The following SHISA9 variants were observed in gnomAD, a reference collection of about 807,000 sequenced individuals.
SHISA9 encodes shisa family member 9, also known as protein shisa-9.
SHISA9 carries 13 observed loss-of-function variants against 38.0 expected under a neutral mutation model. The observed-to-expected ratio is 0.34, with a 90% confidence interval of 0.22 to 0.54. SHISA9 has a LOEUF of 0.54. SHISA9 is among the 20% of genes least tolerant of loss of function. The pLI is 0.91. For missense variants in SHISA9, 538 were observed against 575.8 expected, an observed-to-expected ratio of 0.93 and a Z score of 0.67; for synonymous variants, 275 against 242.0, an observed-to-expected ratio of 1.14 and a Z score of -1.27.
the SHISA9 span, among the ~76,000 whole-genome samples, chr16:13,486,963 C>G: frequency 2.6e-5 from 4 of 152,320 alleles, no homozygotes; most frequent in Non-Finnish European, 4.4e-5. Context: ...CTTGGCCTCC[C>G]AAAGTGCTGG....
Position 13,203,407 on chromosome 16 carries a change from GAAC to G in SHISA9, c.709_711del (p.Asn237del). 6.5e-7 allele frequency: 1 copy of G among 1,535,394 alleles called. No individual in the cohort carries two copies. Among genetic ancestry groups the G allele is most frequent in the South Asian group, 1.2e-5 (1 of 81,046 alleles). ...CTTCACTTCCAGATGCCACCCAGATGAACAACGCAGTGCCCACCTCTCCTCTGC... is the reference window on the plus strand; with the variant it reads ...CTTCACTTCCAGATGCCACCCAGATGAACGCAGTGCCCACCTCTCCTCTGC... On this transcript the variant is annotated inframe_deletion, in exon 3 of 5. Transcript: ENST00000558583.
chr16:13,391,395 A>T, the SHISA9 span, among the ~76,000 whole-genome samples: 5,271 of 152,290 alleles, frequency 0.035, 196 homozygotes, highest in East Asian at 0.2. Flanking sequence ...CAACTGAAAA[A>T]AGGCTAAAGA....
At chr16:13,480,256 G>A in the SHISA9 span, among the ~76,000 whole-genome samples, 1 of 152,100 alleles carries the variant, frequency 6.6e-6, no homozygotes, top group Non-Finnish European at 1.5e-5. Flanking sequence ...TTCTCAAGGG[G>A]TTGAGGCCAA....
chr16:13,364,726 G>A, the SHISA9 span, among the ~76,000 whole-genome samples: 3 of 152,320 alleles, frequency 2.0e-5, no homozygotes, highest in South Asian at 2.1e-4. Flanking sequence ...CTTTGAATGG[G>A]TGGTTTCCCT....
the SHISA9 span, among the ~76,000 whole-genome samples, chr16:13,360,390 C>T: frequency 4.6e-5 from 7 of 152,292 alleles, no homozygotes; most frequent in East Asian, 1.4e-3. Context: ...ATAATCCCTA[C>T]AGATACTGGG....
intron 2 of SHISA9, among the ~76,000 whole-genome samples, chr16:13,045,795 A>G (rs2073181509): frequency 1.3e-5 from 2 of 152,052 alleles, no homozygotes; most frequent in African/African-American, 2.4e-5. Context: ...CACTGTGCCT[A>G]GGAATGAAGG....
the SHISA9 span, among the ~76,000 whole-genome samples, chr16:13,523,925 A>C: frequency 6.6e-6 from 1 of 152,216 alleles, no homozygotes; most frequent in Non-Finnish European, 1.5e-5. Flanking sequence ...TTTGATCCTC[A>C]TAACAATATT....
chr16:13,089,079 G>C (rs753781312), intron 2 of SHISA9, among the ~76,000 whole-genome samples: 2 of 152,184 alleles, frequency 1.3e-5, no homozygotes, highest in African/African-American at 4.8e-5. Flanking sequence ...TGTGGTTTTT[G>C]TCTTTGGTTC....
intron 2 of SHISA9, among the ~76,000 whole-genome samples, chr16:12,999,643 G>A (rs375947823): frequency 2.0e-5 from 3 of 152,250 alleles, no homozygotes; most frequent in South Asian, 4.1e-4. Context: ...GGTTGCATGG[G>A]GCCTGATAGA....
At chr16:12,968,189 CA>C (rs200194973) in intron 2 of SHISA9, among the ~76,000 whole-genome samples, 17 of 82,040 alleles carry the variant, frequency 2.1e-4, no homozygotes, top group African/African-American at 4.9e-4. Context: ...GGCTCCATCT[CA>C]AAAAAAAAAA....
chr16:13,334,590 T>C, the SHISA9 span, among the ~76,000 whole-genome samples: 1 of 151,954 alleles, frequency 6.6e-6, no homozygotes, highest in African/African-American at 2.4e-5. Context: ...CTGGCTAACA[T>C]GGTGAAACCC....
the SHISA9 span, among the ~76,000 whole-genome samples, chr16:13,554,297 T>TA: frequency 0.42 from 55,655 of 133,300 alleles, 11,541 homozygotes; most frequent in East Asian, 0.75. Context: ...TGCTAGAGAT[T>TA]AAAAAAAAAA....
At chr16:13,432,648 C>G in the SHISA9 span, among the ~76,000 whole-genome samples, 1 of 152,108 alleles carries the variant, frequency 6.6e-6, no homozygotes, top group Non-Finnish European at 1.5e-5. Context: ...TGTGGACCTA[C>G]TATGTTCAAA....
chr16:13,261,093 C>G, the SHISA9 span, among the ~76,000 whole-genome samples: 1 of 152,130 alleles, frequency 6.6e-6, no homozygotes, highest in Non-Finnish European at 1.5e-5. Context: ...CTGGGTCCCT[C>G]CCACAACACT....
the SHISA9 span, among the ~76,000 whole-genome samples, chr16:13,307,471 G>A: frequency 5.3e-5 from 8 of 152,138 alleles, no homozygotes; most frequent in East Asian, 1.9e-4. Context: ...GCACGTGGTC[G>A]CTTCCTGTTC....
At chr16:13,497,036 A>G in the SHISA9 span, among the ~76,000 whole-genome samples, 2 of 152,212 alleles carry the variant, frequency 1.3e-5, no homozygotes, top group Non-Finnish European at 2.9e-5. Flanking sequence ...TAATTTGAAA[A>G]TATAAGCAGA....
intron 2 of SHISA9, among the ~76,000 whole-genome samples, chr16:13,192,509 G>T (rs2050895561): frequency 6.6e-6 from 1 of 151,994 alleles, no homozygotes; most frequent in African/African-American, 2.4e-5. Flanking sequence ...AGAATGGATG[G>T]ATGAACCAAG....
the SHISA9 span, among the ~76,000 whole-genome samples, chr16:13,435,111 G>A: frequency 6.6e-6 from 1 of 152,116 alleles, no homozygotes; most frequent in East Asian, 1.9e-4. Context: ...GTTAATTAAG[G>A]AAAACACCAG....
At chr16:13,393,448 C>T in the SHISA9 span, among the ~76,000 whole-genome samples, 1 of 152,156 alleles carries the variant, frequency 6.6e-6, no homozygotes, top group Admixed American at 6.5e-5. Context: ...GTGTCTGATC[C>T]ACTGATGTCA....
Sources: gnomAD v4.1 joint callset for allele counts (sites outside exome capture counted in the v4.1 genomes callset) on GRCh38, gnomAD v4.1.1 for gene constraint, MANE v1.5 for transcripts, NCBI Gene and HGNC (gene_info 2026-07-23, HGNC 2026-07-21) for gene names.